Variants in GCNT4 observed in about 807,000 individuals in gnomAD.
The protein encoded by GCNT4 is glucosaminyl (N-acetyl) transferase 4, also known as beta-1,3-galactosyl-O-glycosyl-glycoprotein beta-1,6-N-acetylglucosaminyltransferase 4.
Under a neutral mutation model 31.3 loss-of-function variants are expected in GCNT4, and 17 were observed. That is an observed-to-expected ratio of 0.54 (90% CI 0.37 to 0.81). The LOEUF (loss-of-function observed/expected upper bound fraction) is 0.81. Among genes scored for constraint, GCNT4 ranks in the 40% least tolerant of loss-of-function variants. The pLI is 0.00. For synonymous variants in GCNT4, 158 were observed against 190.6 expected, an observed-to-expected ratio of 0.83 and a Z score of 1.41; for missense variants, 503 against 525.5, an observed-to-expected ratio of 0.96 and a Z score of 0.42.
chr5:75,045,483 A>C (rs1011585526), intron 3 of GCNT4, among the ~76,000 whole-genome samples: 1 of 152,206 alleles, frequency 6.6e-6, no homozygotes, highest in African/African-American at 2.4e-5. Flanking sequence ...AAGACTAAAT[A>C]ATATTCCATT....
rs1379475052 is a variant in GCNT4 at position 75,029,118 on chromosome 5, A to G, written c.920T>C (p.Leu307Ser). The G allele has an allele frequency of 6.2e-7, 1 of 1,614,086 alleles. No individual in the cohort carries two copies. Among genetic ancestry groups the G allele is most frequent in the Non-Finnish European group, 8.5e-7 (1 of 1,180,002 alleles). The change falls in exon 4 of 4, where the codon TTA becomes TCA. Residue 307 changes from leucine to serine, a missense_variant. Physicochemically the swap from Leu to Ser is moderately radical, Grantham distance 145. Coordinates refer to ENST00000652361, the MANE Select transcript of GCNT4 (RefSeq NM_001366737.1). ...QIFVGSAYFV[L>S]SQAFVKYIFN... ...AATATATTTAACAAATGCTTGACTTAAAACAAAATAAGCACTGCCAACAAA... is the reference window on the plus strand; with the variant it reads ...AATATATTTAACAAATGCTTGACTTGAAACAAAATAAGCACTGCCAACAAA...
chr5:75,039,151 C>T (rs776221079), intron 3 of GCNT4, among the ~76,000 whole-genome samples: 15 of 152,204 alleles, frequency 9.9e-5, no homozygotes, highest in Middle Eastern at 3.4e-3. Flanking sequence ...ATGGCACAAT[C>T]TCGGCTCACT....
rs150891810 is a variant in GCNT4, at chr5:75,047,060, G to A, written c.-2+837C>T. Among the ~76,000 whole-genome samples, 189 of 152,220 alleles carry A rather than the reference G, an allele frequency of 1.2e-3. 1 individual carries two copies. Among genetic ancestry groups the A allele is most frequent in the African/African-American group, 4.4e-3 (182 of 41,524 alleles). On this transcript the variant is annotated intron_variant, in intron 3 of 3. Coordinates refer to ENST00000652361, the MANE Select transcript of GCNT4 (RefSeq NM_001366737.1). ...ACTACCCTAGCCCAGGCCTCTTTTT[G>A]CCTTGCTACATTTTTATAATTTCCT... is the stretch of plus-strand genomic sequence containing the variant.
chr5:75,045,011 T>C (rs1743405186), intron 3 of GCNT4, among the ~76,000 whole-genome samples: 2 of 152,230 alleles, frequency 1.3e-5, no homozygotes, highest in Non-Finnish European at 2.9e-5. Context: ...GCTGTCTTCT[T>C]GCTATAACCT....
upstream of GCNT4, among the ~76,000 whole-genome samples, chr5:75,053,456 G>A (rs932143437): frequency 1.3e-5 from 2 of 152,108 alleles, no homozygotes; most frequent in Non-Finnish European, 2.9e-5. Flanking sequence ...GGCTGAGACC[G>A]GGTTAACATC....
In GCNT4 at chr5:75,030,024, T is replaced by G. The variant is rs1430705152; in HGVS notation, c.14A>C (p.Lys5Thr). 11 of 1,594,370 alleles carry G rather than the reference T, an allele frequency of 6.9e-6. No individual in the cohort carries two copies. The South Asian group carries it at 1.3e-4, about 18-fold the overall frequency. MKIFKCYFKHTLQQK... is the reference protein window; with the variant it reads MKIFTCYFKHTLQQK... ...CTGTAGGGTATGTTTAAAATAACAT[T>G]TGAATATCTTCATTCTGTAAGAGGA... Residue 5 changes from lysine (K) to threonine (T), a missense_variant, in exon 4 of 4, where the codon AAA becomes ACA. Physicochemically the swap from Lys to Thr is moderately conservative, Grantham distance 78. Transcript: ENST00000652361.
chr5:75,048,089 T>C (rs1343739927), intron 2 of GCNT4, 52 bp from the exon 3 acceptor site: 2 of 152,214 alleles, frequency 1.3e-5, no homozygotes, highest in East Asian at 1.9e-4. Context: ...GTAATTTAAA[T>C]GCAAACAATG....
rs1742932516 is a variant in GCNT4 at position 75,025,527 on chromosome 5, C to A, written c.*3149G>T. 1.3e-5 allele frequency: 2 copies of A among 151,974 alleles called. No individual in the cohort carries two copies. The allele number at this position is 151,974 out of a possible 1,614,324, so 9.4% of individuals were successfully genotyped here. On this transcript the variant is annotated 3_prime_UTR_variant, in exon 4 of 4. Transcript: ENST00000652361. ...GTCGATATAAATGTATAAAAAGCCC[C>A]CAAAACTCTCATTTCATCATCAGTG...
chr5:75,021,704 C>CCCTTT (rs1240443362), downstream of GCNT4, among the ~76,000 whole-genome samples: 2 of 152,152 alleles, frequency 1.3e-5, no homozygotes, highest in Non-Finnish European at 2.9e-5. Context: ...TCAGCATTCC[C>CCCTTT]CCTTTCCTTT....
In GCNT4 at chr5:75,028,307, A is replaced by G. The variant is rs56682994; in HGVS notation, c.*369T>C. ...TACCACAAACTTCAAAAGCTTCTTC[A>G]GTAGAATCCTGACTGTTATGTGGAG... On this transcript the variant is annotated 3_prime_UTR_variant, in exon 4 of 4. Transcript: ENST00000652361. The G allele has an allele frequency of 0.37, 68,499 of 187,194 alleles. 15,463 individuals carry two copies. The highest frequency in any genetic ancestry group is 0.68 in the African/African-American group (28,666 of 42,092). The allele number at this position is 187,194 out of a possible 1,614,324, so 11.6% of individuals were successfully genotyped here. A position where few individuals can be genotyped will look rare whatever the true frequency, so the allele number is the denominator to read the frequency against.
At chr5:75,052,926 C>G (rs1346737552), upstream of GCNT4, 2 of 152,100 alleles carry the variant, frequency 1.3e-5, no homozygotes. Context: ...GCCAGGACGG[C>G]GGGATGCCCC....
downstream of GCNT4, among the ~76,000 whole-genome samples, chr5:75,021,352 C>T (rs1366920453): frequency 1.3e-5 from 2 of 152,144 alleles, no homozygotes; most frequent in East Asian, 3.9e-4. Context: ...TTAACAAGTC[C>T]CAAGAGCCCT....
downstream of GCNT4, among the ~76,000 whole-genome samples, chr5:75,022,135 G>C (rs1485367571): frequency 6.6e-6 from 1 of 151,942 alleles, no homozygotes; most frequent in Non-Finnish European, 1.5e-5. Context: ...GTCTGAACTC[G>C]AGATTTCACC....
At chr5:75,050,408 TC>T (rs1354069016) in intron 2 of GCNT4, among the ~76,000 whole-genome samples, 2 of 151,968 alleles carry the variant, frequency 1.3e-5, no homozygotes, top group African/African-American at 4.8e-5. Flanking sequence ...TGTCTAAGGC[TC>T]CCTCATCTTA....
intron 2 of GCNT4, among the ~76,000 whole-genome samples, chr5:75,049,359 G>C (rs1411886739): frequency 1.3e-5 from 2 of 152,032 alleles, no homozygotes; most frequent in Non-Finnish European, 1.5e-5. Context: ...ATTAAGTTGT[G>C]AGCTACCTTT....
chr5:75,044,176 G>T lies in GCNT4; in HGVS notation c.-2+3721C>A, dbSNP rs578038921. On this transcript the variant is annotated intron_variant, in intron 3 of 3. Coordinates refer to ENST00000652361, the MANE Select transcript of GCNT4 (RefSeq NM_001366737.1). ...TCTTGAGAGCTTGTTATGTAACAGG[G>T]GACTTTGGAACCAGCTTTTCAACAA... 2.2e-3 allele frequency among the ~76,000 whole-genome samples: 337 copies of T among 152,062 alleles called. 1 individual carries two copies. Among genetic ancestry groups the T allele is most frequent in the African/African-American group, 7.8e-3 (325 of 41,458 alleles).
chr5:75,042,574 G>C (rs1743345473), intron 3 of GCNT4, among the ~76,000 whole-genome samples: 1 of 152,202 alleles, frequency 6.6e-6, no homozygotes, highest in Non-Finnish European at 1.5e-5. Context: ...AAACAGACAT[G>C]AATCAAGGGT....
Position 75,036,866 on chromosome 5 carries a change from G to A in GCNT4, c.-1-6828C>T, listed in dbSNP as rs539060657. The stretch of plus-strand genomic sequence containing the variant: ...GTCACCAATGACTATCGATTCATTT[G>A]TTCTTATAGTTATCTGTGACACCAT... On this transcript the variant is annotated intron_variant, in intron 3 of 3. Coordinates refer to ENST00000652361, the MANE Select transcript of GCNT4 (RefSeq NM_001366737.1). Among the ~76,000 whole-genome samples, 7 of 152,326 alleles carry A rather than the reference G, an allele frequency of 4.6e-5. No individual in the cohort carries two copies. The South Asian group carries it at 1.4e-3, about 32-fold the overall frequency.
Position 75,026,433 on chromosome 5 carries a change from T to C in GCNT4, c.*2243A>G, listed in dbSNP as rs575578231. 5 of 151,678 alleles carry C rather than the reference T, an allele frequency of 3.3e-5. No homozygotes were observed. In the South Asian group the frequency reaches 1.0e-3, roughly 32 times the overall value. The allele number at this position is 151,678 out of a possible 1,614,324, so 9.4% of individuals were successfully genotyped here. On this transcript the variant is annotated 3_prime_UTR_variant, in exon 4 of 4. Transcript: ENST00000652361. ...GAAACCCCAAATGGGGTTACAGGAG[T>C]TTCCTCAGATCTGGATTTGGTTACA...
Sources: gnomAD v4.1 joint callset for allele counts (sites outside exome capture counted in the v4.1 genomes callset) on GRCh38, gnomAD v4.1.1 for gene constraint, MANE v1.5 for transcripts, NCBI Gene and HGNC (gene_info 2026-07-23, HGNC 2026-07-21) for gene names.